Variants in CPT1A observed in about 807,000 individuals in gnomAD.
CPT1A encodes the protein carnitine palmitoyltransferase 1A, also known as carnitine O-palmitoyltransferase 1, liver isoform.
Under a neutral mutation model 100.8 loss-of-function variants are expected in CPT1A, and 64 were observed. The ratio of observed to expected loss-of-function variants is 0.63; its 90% CI spans 0.52 to 0.78. The LOEUF is 0.78. Ranked by LOEUF, CPT1A falls within the 30% of genes least tolerant of loss-of-function variation. CPT1A has a pLI of 0.00. For synonymous variants in CPT1A, 363 were observed against 396.0 expected (o/e 0.92, Z 0.99); for missense variants, 802 against 1,034.1 (o/e 0.78, Z 3.08).
At chr11:68,779,491 TAAAAAAAAAA>T (rs369619747) in intron 12 of CPT1A, among the ~76,000 whole-genome samples, 2 of 86,954 alleles carry the variant, frequency 2.3e-5, no homozygotes, top group African/African-American at 8.9e-5. Context: ...AACGAATTAT[TAAAAAAAAAA>T]AAAAAAAAAA....
chr11:68,827,255 C>G (rs1856756645), intron 1 of CPT1A, among the ~76,000 whole-genome samples: 1 of 152,044 alleles, frequency 6.6e-6, no homozygotes, highest in Non-Finnish European at 1.5e-5. Context: ...CTCACACAAG[C>G]CCGGGAGGTT....
chr11:68,817,088 TTGTGTGTGTGTG>T (rs1856440330), intron 1 of CPT1A, among the ~76,000 whole-genome samples: 1 of 109,114 alleles, frequency 9.2e-6, no homozygotes, highest in African/African-American at 3.5e-5. Context: ...GTGTGTGTGG[TTGTGTGTGTGTG>T]GTGTGTGTGT....
At chr11:68,764,517 C>T (rs1467428953) in intron 14 of CPT1A, among the ~76,000 whole-genome samples, 2 of 151,898 alleles carry the variant, frequency 1.3e-5, no homozygotes, top group African/African-American at 4.8e-5. Flanking sequence ...AGGACCCACT[C>T]AGCTGGGGAA....
intron 1 of CPT1A, chr11:68,839,507 C>T: frequency 1.0e-6 from 1 of 985,372 alleles, no homozygotes. Context: ...AGTTGGCGCG[C>T]GTCCCTGTGG....
chr11:68,760,554 G>C (rs1423920658), intron 16 of CPT1A, among the ~76,000 whole-genome samples: 1 of 152,122 alleles, frequency 6.6e-6, no homozygotes, highest in African/African-American at 2.4e-5. Context: ...TGCAGGGTGG[G>C]GGTGGGGGCA....
intron 6 of CPT1A, 148 bp downstream of exon 6, chr11:68,799,070 G>A: frequency 1.4e-6 from 1 of 723,248 alleles, no homozygotes; most frequent in Non-Finnish European, 2.4e-6. Context: ...ACTCCACTCT[G>A]CACAGAGGTA....
intron 14 of CPT1A, among the ~76,000 whole-genome samples, chr11:68,772,018 G>C (rs777278042): frequency 6.6e-6 from 1 of 152,222 alleles, no homozygotes; most frequent in African/African-American, 2.4e-5. Flanking sequence ...CCAAGGTTGG[G>C]GGGGCAGTGC....
chr11:68,807,056 G>A (rs537629671), intron 4 of CPT1A, among the ~76,000 whole-genome samples: 9 of 152,144 alleles, frequency 5.9e-5, no homozygotes, highest in Non-Finnish European at 1.3e-4. Context: ...CTTGGGCTGA[G>A]GGCCAAAGCA....
chr11:68,804,033 C>T lies in CPT1A; in HGVS notation c.522G>A (p.Leu174=), dbSNP rs2154000554. 6.2e-7 allele frequency: 1 copy of T among 1,614,100 alleles called. No homozygotes were observed. The highest frequency in any genetic ancestry group is 8.5e-7 in the Non-Finnish European group (1 of 1,179,954). Residue 174 remains leucine, a synonymous_variant, in exon 5 of 19, where the codon CTG becomes CTA. Coordinates refer to ENST00000265641, the MANE Select transcript of CPT1A (RefSeq NM_001876.4). ...LYSFQTSLPR[L]PVPAVKDTVN... ...CAGTGTCTTTGACAGCCGGGACCGG[C>T]AGGCGAGGCAGCGATGTCTGGAAGC...
At chr11:68,763,942 C>A (rs1451810350) in intron 14 of CPT1A, among the ~76,000 whole-genome samples, 2 of 152,044 alleles carry the variant, frequency 1.3e-5, no homozygotes, top group Non-Finnish European at 2.9e-5. Flanking sequence ...AAGGGATGAT[C>A]CCAAAGAACC....
intron 17 of CPT1A, among the ~76,000 whole-genome samples, 187 bp from the exon 18 acceptor site, chr11:68,759,848 T>C (rs1163667982): frequency 6.7e-6 from 1 of 149,060 alleles, no homozygotes; most frequent in African/African-American, 2.4e-5. Flanking sequence ...GACAACATGG[T>C]GAAACCCTGT....
At chr11:68,825,954 G>A (rs1409475223) in intron 1 of CPT1A, among the ~76,000 whole-genome samples, 1 of 152,138 alleles carries the variant, frequency 6.6e-6, no homozygotes, top group African/African-American at 2.4e-5. Context: ...CCAGCTCCTG[G>A]GCCAGCCTCA....
chr11:68,807,959 T>C (rs1594357092), intron 3 of CPT1A, among the ~76,000 whole-genome samples: 1 of 152,186 alleles, frequency 6.6e-6, no homozygotes, highest in East Asian at 1.9e-4. Context: ...GGCTAATTTG[T>C]GTCTTCTGGA....
intron 1 of CPT1A, among the ~76,000 whole-genome samples, chr11:68,840,846 C>G: frequency 6.6e-6 from 1 of 152,216 alleles, no homozygotes; most frequent in Non-Finnish European, 1.5e-5. Context: ...GGCTCGCAGG[C>G]CAAGTTCGCC....
chr11:68,761,122 T>C (rs972800847), intron 16 of CPT1A, among the ~76,000 whole-genome samples: 13 of 151,588 alleles, frequency 8.6e-5, no homozygotes, highest in Admixed American at 6.6e-4. Flanking sequence ...GGACGAAGAA[T>C]TGCTTGTGTC....
chr11:68,757,696 G>A lies in CPT1A; in HGVS notation c.2270C>T (p.Ala757Val). ...AAACAAAGTGATGATGTCAGTCATT[G>A]CTTCTTTCAGGTGCCTTCCAAAGCG... ...SHRFGRHLKEAMTDIITLFGL... is the reference protein window; with the variant it reads ...SHRFGRHLKEVMTDIITLFGL... The change falls in exon 19 of 19, where the codon GCA (alanine) becomes GTA (valine). Residue 757 changes from alanine to valine, a missense_variant. This residue lies in a region of CPT1A where 627 missense variants were observed against 799.3 expected (regional missense o/e 0.78). Coordinates refer to ENST00000265641, the MANE Select transcript of CPT1A (RefSeq NM_001876.4). The A allele has an allele frequency of 1.9e-6, 3 of 1,614,134 alleles. No individual in the cohort carries two copies. The highest frequency in any genetic ancestry group is 2.5e-6 in the Non-Finnish European group (3 of 1,180,018).
chr11:68,804,183 G>T, intron 4 of CPT1A, 82 bp from the exon 5 acceptor site: 2 of 1,051,030 alleles, frequency 1.9e-6, no homozygotes, highest in Non-Finnish European at 2.9e-6. Flanking sequence ...GTGAAGCTAA[G>T]CAGGGTCAGT....
chr11:68,828,861 C>T (rs1327955989), intron 1 of CPT1A, among the ~76,000 whole-genome samples: 1 of 152,188 alleles, frequency 6.6e-6, no homozygotes, highest in Non-Finnish European at 1.5e-5. Context: ...TGGGGGAGGC[C>T]ACCAGGCACG....
chr11:68,790,101 C>A lies in CPT1A; in HGVS notation c.967+3214G>T, dbSNP rs377617469. Among the ~76,000 whole-genome samples, 4 of 151,964 alleles carry A rather than the reference C, an allele frequency of 2.6e-5. No individual in the cohort carries two copies. In the East Asian group the frequency reaches 5.8e-4, roughly 22 times the overall value. On this transcript the variant is annotated intron_variant, in intron 9 of 18. Coordinates refer to ENST00000265641, the MANE Select transcript of CPT1A (RefSeq NM_001876.4). ...TCTTTTTTTGAGACAGGGTCTCATT[C>A]TGTCACCCAGGCTAAGTGCAGTGGT...
Sources: gnomAD v4.1 joint callset for allele counts (sites outside exome capture counted in the v4.1 genomes callset) on GRCh38, gnomAD v4.1.1 for gene constraint, gnomAD v4.1.1 regional missense constraint, MANE v1.5 for transcripts, NCBI Gene and HGNC (gene_info 2026-07-23, HGNC 2026-07-21) for gene names.